Variants in CALN1 observed in about 807,000 individuals in gnomAD.
CALN1 encodes the protein calcium-binding protein 8.
A neutral mutation model predicts 30.6 loss-of-function variants in CALN1; 17 were observed. The observed-to-expected ratio is 0.56, with a 90% CI of 0.38 to 0.83. The LOEUF is 0.83. CALN1 is among the 40% of genes least tolerant of loss of function. The pLI, the probability that CALN1 is intolerant of heterozygous loss-of-function variation, is 0.00. For synonymous variants in CALN1, 156 were observed against 131.4 expected (o/e 1.19, Z -1.28); for missense variants, 291 against 354.9 (o/e 0.82, Z 1.45).
intron 5 of CALN1, among the ~76,000 whole-genome samples, chr7:71,898,006 AGGGAGGGGGG>A (rs144540618): frequency 0.18 from 14,002 of 79,100 alleles, 1,334 homozygotes; most frequent in Non-Finnish European, 0.22. Flanking sequence ...AGAGAGAGGG[AGGGAGGGGGG>A]GGGAGAGAGA....
chr7:72,142,648 T>C (rs567713904), intron 3 of CALN1, among the ~76,000 whole-genome samples: 22 of 152,250 alleles, frequency 1.4e-4, no homozygotes, highest in Middle Eastern at 3.4e-3. Flanking sequence ...AGCACGGAGC[T>C]TGAGATCTGA....
intron 3 of CALN1, among the ~76,000 whole-genome samples, chr7:72,183,178 C>G (rs985373049): frequency 2.0e-5 from 3 of 152,114 alleles, no homozygotes; most frequent in Non-Finnish European, 2.9e-5. Flanking sequence ...ATTTTCATGC[C>G]TCAGTCTCCC....
At chr7:71,975,590 C>A (rs904188214) in intron 5 of CALN1, among the ~76,000 whole-genome samples, 1 of 151,934 alleles carries the variant, frequency 6.6e-6, no homozygotes, top group Non-Finnish European at 1.5e-5. Context: ...CCACAACCAG[C>A]TAATTTTTTA....
intron 2 of CALN1, among the ~76,000 whole-genome samples, chr7:72,392,592 T>C (rs1401991473): frequency 6.6e-6 from 1 of 152,190 alleles, no homozygotes; most frequent in Non-Finnish European, 1.5e-5. Flanking sequence ...TCATACGGTC[T>C]GCTAACAGCA....
chr7:72,098,762 G>GGCACACACACACA (rs1806419176), intron 4 of CALN1, among the ~76,000 whole-genome samples: 1 of 115,294 alleles, frequency 8.7e-6, no homozygotes, highest in African/African-American at 3.4e-5. Context: ...CCCATTTGGC[G>GGCACACACACACA]CGCACACACA....
chr7:72,345,529 A>G (rs947942739), intron 2 of CALN1, among the ~76,000 whole-genome samples: 4 of 138,022 alleles, frequency 2.9e-5, no homozygotes, highest in South Asian at 5.5e-4. Context: ...GGAAATGAGG[A>G]AGGGAGGGAA....
chr7:72,122,008 C>T (rs78781211), intron 3 of CALN1, among the ~76,000 whole-genome samples: 1,957 of 151,566 alleles, frequency 0.013, 41 homozygotes, highest in African/African-American at 0.045. Context: ...AGGAGAGAAG[C>T]CTGGCACCCC....
At chr7:72,020,844 G>A (rs575085385) in intron 5 of CALN1, among the ~76,000 whole-genome samples, 2 of 152,328 alleles carry the variant, frequency 1.3e-5, no homozygotes, top group South Asian at 4.1e-4. Context: ...GAAGACAGGA[G>A]GAGTAGGAGT....
the CALN1 span, among the ~76,000 whole-genome samples, chr7:72,486,205 G>A: frequency 6.6e-6 from 1 of 152,118 alleles, no homozygotes; most frequent in Non-Finnish European, 1.5e-5. Flanking sequence ...AAAAGGTATA[G>A]TAAAGATACA....
At chr7:72,163,555 G>A (rs762694457) in intron 3 of CALN1, among the ~76,000 whole-genome samples, 1 of 152,146 alleles carries the variant, frequency 6.6e-6, no homozygotes. Flanking sequence ...CCTAATAGGT[G>A]ACTAGATGGA....
chr7:71,823,933 C>T lies in CALN1; in HGVS notation c.502-13441G>A, dbSNP rs547604273. Among the ~76,000 whole-genome samples, 16 of 152,146 alleles carry T rather than the reference C, an allele frequency of 1.1e-4. 1 individual carries two copies. The South Asian group carries it at 2.5e-3, about 24-fold the overall frequency. ...TCATCTTTATAAATCCATCAGATCG[C>T]GTGAGACTTACTCACTAGCATGAGA... On this transcript the variant is annotated intron_variant, in intron 5 of 6. Coordinates refer to ENST00000395275, the MANE Select transcript of CALN1 (RefSeq NM_031468.4).
At chr7:72,004,685 G>GAGCAA (rs373172534) in intron 5 of CALN1, among the ~76,000 whole-genome samples, 2,895 of 150,978 alleles carry the variant, frequency 0.019, 102 homozygotes, top group African/African-American at 0.066. Flanking sequence ...CAAAACTCAA[G>GAGCAA]AACAAAACAA....
intron 5 of CALN1, among the ~76,000 whole-genome samples, chr7:71,856,824 G>T (rs1790974891): frequency 6.6e-6 from 1 of 152,048 alleles, no homozygotes; most frequent in Non-Finnish European, 1.5e-5. Context: ...GTTTGGTGGT[G>T]CATGCCTATA....
rs572408047 is a variant in CALN1, at chr7:71,842,388, G to C, written c.502-31896C>G. Among the ~76,000 whole-genome samples, 9 of 152,292 alleles carry C rather than the reference G, an allele frequency of 5.9e-5. No homozygotes were observed. In the South Asian group the frequency reaches 8.3e-4, roughly 14 times the overall value. The stretch of plus-strand genomic sequence containing the variant: ...TTTCTCCCTGATGTTGATCGCTGCC[G>C]TTTTGTCTGGGTTCTTAGAGACAGA... On this transcript the variant is annotated intron_variant, in intron 5 of 6. Coordinates refer to ENST00000395275, the MANE Select transcript of CALN1 (RefSeq NM_031468.4).
intron 2 of CALN1, among the ~76,000 whole-genome samples, chr7:72,307,326 G>A (rs1799721705): frequency 6.6e-6 from 1 of 152,144 alleles, no homozygotes; most frequent in Admixed American, 6.6e-5. Flanking sequence ...GAGAATGTTT[G>A]GAAATAAGAC....
In CALN1 at chr7:72,287,060, C is replaced by CAATG. The variant is rs1172328332; in HGVS notation, c.120-8254_120-8251dup. ...GCAGAATGAAAATCTGCATTAAAGG[C>CAATG]AATGAAGAGTATTTCAAAGAAACAG... is the stretch of plus-strand genomic sequence containing the variant. On this transcript the variant is annotated intron_variant, in intron 2 of 6. Transcript: ENST00000395275. Among the ~76,000 whole-genome samples, 3 of 152,250 alleles carry CAATG rather than the reference C, an allele frequency of 2.0e-5. No individual in the cohort carries two copies. In the East Asian group the frequency reaches 5.8e-4, roughly 29 times the overall value.
chr7:72,209,338 CTCTTTCCTTCCCTCCTTCCCTCTT>C (rs1562740272), intron 3 of CALN1, among the ~76,000 whole-genome samples: 83 of 16,864 alleles, frequency 4.9e-3, no homozygotes, highest in South Asian at 8.3e-3. Flanking sequence ...CTTTCCTTCC[CTCTTTCCTTCCCTCCTTCCCTCTT>C]TCCTTCCCTC....
chr7:71,817,840 G>A (rs559568063), intron 5 of CALN1, among the ~76,000 whole-genome samples: 59 of 151,678 alleles, frequency 3.9e-4, no homozygotes, highest in South Asian at 1.5e-3. Context: ...ATTACATTAC[G>A]TAACCTTATA....
chr7:71,824,551 T>C (rs1425437805), intron 5 of CALN1, among the ~76,000 whole-genome samples: 1 of 152,082 alleles, frequency 6.6e-6, no homozygotes, highest in Non-Finnish European at 1.5e-5. Flanking sequence ...TTGCTCCATT[T>C]TTCGTCCCTG....
Sources: allele counts gnomAD v4.1 joint callset (sites outside exome capture counted in the v4.1 genomes callset), GRCh38; gene constraint gnomAD v4.1.1; transcripts MANE v1.5; gene names NCBI Gene and HGNC (gene_info 2026-07-23, HGNC 2026-07-21).